The following AK5 variants were observed in gnomAD, a reference collection of about 807,000 sequenced individuals.
AK5 encodes the protein adenylate kinase isoenzyme 5.
Under a neutral mutation model 69.5 loss-of-function variants are expected in AK5, and 27 were observed. The ratio of observed to expected loss-of-function variants is 0.39; its 90% CI spans 0.29 to 0.54. The LOEUF (loss-of-function observed/expected upper bound fraction) is 0.54. Among genes scored for constraint, AK5 ranks in the 20% least tolerant of loss-of-function variants. The pLI is 0.71. For missense variants in AK5, 531 were observed against 700.4 expected (o/e 0.76, Z 2.73); for synonymous variants, 260 against 244.4 (o/e 1.06, Z -0.60).
chr1:77,409,351 A>G (rs1396051171), intron 6 of AK5, among the ~76,000 whole-genome samples: 2 of 152,088 alleles, frequency 1.3e-5, no homozygotes, highest in African/African-American at 2.4e-5. Flanking sequence ...GCTTTCCACA[A>G]TGGTCAAACT....
chr1:77,365,491 A>G (rs548115963), intron 6 of AK5, among the ~76,000 whole-genome samples: 76 of 152,032 alleles, frequency 5.0e-4, no homozygotes, highest in Non-Finnish European at 9.7e-4. Flanking sequence ...GCAGTCCCCA[A>G]CCTCTTTGGC....
At chr1:77,518,761 T>C in intron 11 of AK5, 34 bp downstream of exon 11, 1 of 1,607,568 alleles carries the variant, frequency 6.2e-7, no homozygotes, top group Non-Finnish European at 8.5e-7. Context: ...ATTACTGCCT[T>C]TCCTGTCTGG....
chr1:77,363,907 A>G (rs1405423974), intron 6 of AK5, among the ~76,000 whole-genome samples: 1 of 152,052 alleles, frequency 6.6e-6, no homozygotes, highest in Non-Finnish European at 1.5e-5. Context: ...ATACCATTTC[A>G]TTTATGTTAT....
chr1:77,554,863 G>A (rs562460665), intron 13 of AK5, among the ~76,000 whole-genome samples: 9 of 148,374 alleles, frequency 6.1e-5, no homozygotes, highest in Admixed American at 2.1e-4. Context: ...TGATCCACCC[G>A]CCTTGGCCTC....
chr1:77,320,368 A>C (rs913087725), intron 5 of AK5, among the ~76,000 whole-genome samples: 1 of 152,224 alleles, frequency 6.6e-6, no homozygotes, highest in Admixed American at 6.5e-5. Context: ...TGGGATTTTC[A>C]TTATGTGGGT....
chr1:77,319,772 A>G (rs979588100), intron 5 of AK5, among the ~76,000 whole-genome samples: 1 of 152,220 alleles, frequency 6.6e-6, no homozygotes, highest in African/African-American at 2.4e-5. Flanking sequence ...ACTGGCTGTC[A>G]TATATGTTGG....
chr1:77,410,656 TG>T (rs1369924770), intron 6 of AK5, among the ~76,000 whole-genome samples: 2 of 152,224 alleles, frequency 1.3e-5, no homozygotes, highest in African/African-American at 4.8e-5. Context: ...TATATTTTCA[TG>T]TTTTTCAAAT....
intron 1 of AK5, chr1:77,282,675 C>T: frequency 8.7e-7 from 1 of 1,146,916 alleles, no homozygotes; most frequent in Non-Finnish European, 1.1e-6. Flanking sequence ...GGGTGGGCTG[C>T]AGACCGCGGC....
At chr1:77,298,937 T>G (rs1659178091) in intron 5 of AK5, among the ~76,000 whole-genome samples, 1 of 152,200 alleles carries the variant, frequency 6.6e-6, no homozygotes, top group South Asian at 2.1e-4. Flanking sequence ...ATTCCGCTGC[T>G]CCTCCTTTCC....
intron 6 of AK5, among the ~76,000 whole-genome samples, chr1:77,384,611 T>C (rs1339635813): frequency 6.6e-6 from 1 of 151,590 alleles, no homozygotes; most frequent in Admixed American, 6.6e-5. Flanking sequence ...TCTGAAACAG[T>C]GCAAAAGAAA....
chr1:77,357,633 A>G (rs942253763), intron 6 of AK5, among the ~76,000 whole-genome samples: 3 of 152,196 alleles, frequency 2.0e-5, no homozygotes, highest in Non-Finnish European at 4.4e-5. Context: ...GCTCAGTTAT[A>G]TCTAAGGTAT....
At chr1:77,349,270 T>C (rs915803200) in intron 6 of AK5, among the ~76,000 whole-genome samples, 2 of 152,124 alleles carry the variant, frequency 1.3e-5, no homozygotes, top group Non-Finnish European at 2.9e-5. Flanking sequence ...CACATGTACC[T>C]CTGAACCTAA....
intron 6 of AK5, among the ~76,000 whole-genome samples, chr1:77,374,852 A>T (rs1647195174): frequency 6.6e-6 from 1 of 152,092 alleles, no homozygotes; most frequent in Non-Finnish European, 1.5e-5. Flanking sequence ...TTATTGAAAA[A>T]TCAGTTAAAT....
intron 13 of AK5, among the ~76,000 whole-genome samples, chr1:77,549,000 C>T (rs1005968452): frequency 2.0e-5 from 3 of 150,584 alleles, no homozygotes; most frequent in East Asian, 2.0e-4. Context: ...CTTAGCCTCC[C>T]GAGTAGCAGG....
rs763165438 is a variant in AK5 at position 77,293,916 on chromosome 1, T to G, written c.371T>G (p.Val124Gly). ...ETAELIEEYE[V>G]FDPTRPRPKI... ...GCAGAGTTGATTGAGGAGTATGAGG[T>G]TTTTGATCCTACCAGACCTCGACCA... Residue 124 changes from valine to glycine, a missense_variant, in exon 3 of 14, where the codon GTT becomes GGT. Val to Gly is a moderately radical substitution (Grantham distance 109, BLOSUM62 -3). Transcript: ENST00000354567. 1.2e-6 allele frequency: 2 copies of G among 1,612,278 alleles called. No individual in the cohort carries two copies. The highest frequency in any genetic ancestry group is 8.5e-7 in the Non-Finnish European group (1 of 1,179,224).
chr1:77,547,374 A>G (rs1659597777), intron 13 of AK5, among the ~76,000 whole-genome samples: 1 of 148,712 alleles, frequency 6.7e-6, no homozygotes, highest in Admixed American at 7.0e-5. Context: ...CCTGGGTTCA[A>G]GTGATTCTCC....
intron 5 of AK5, among the ~76,000 whole-genome samples, chr1:77,328,459 C>T (rs145728019): frequency 3.3e-5 from 5 of 151,592 alleles, no homozygotes; most frequent in East Asian, 3.9e-4. Context: ...GAGATCGCAC[C>T]GTTGCACTCC....
At chr1:77,558,575 ACT>A (rs756612218) in intron 13 of AK5, 25 bp from the exon 14 acceptor site, 8 of 1,356,948 alleles carry the variant, frequency 5.9e-6, no homozygotes, top group African/African-American at 2.8e-5. Context: ...TTTCAGACTA[ACT>A]CTCTTTTTTT....
At chr1:77,427,685 C>CA (rs1651305438) in intron 8 of AK5, among the ~76,000 whole-genome samples, 2 of 152,114 alleles carry the variant, frequency 1.3e-5, no homozygotes, top group Admixed American at 1.3e-4. Context: ...AGACCAGTAT[C>CA]TTTATAAGTG....
Sources: gnomAD v4.1 joint callset for allele counts (sites outside exome capture counted in the v4.1 genomes callset) on GRCh38, gnomAD v4.1.1 for gene constraint, MANE v1.5 for transcripts, NCBI Gene and HGNC (gene_info 2026-07-23, HGNC 2026-07-21) for gene names.